Variants in XPO4 observed in about 807,000 individuals in gnomAD.
The protein encoded by XPO4 is exportin 4.
In XPO4, 39 loss-of-function variants were observed where a neutral mutation model predicts 143.0. The ratio of observed to expected loss-of-function variants is 0.27; its 90% CI spans 0.21 to 0.36. The LOEUF is 0.36. Ranked by LOEUF, XPO4 falls within the 10% of genes least tolerant of loss-of-function variation. The probability of loss-of-function intolerance (pLI) is 1.00; values close to 1 mark genes in which losing one functional copy is unlikely to be tolerated. For missense variants in XPO4, 907 were observed against 1,348.0 expected (o/e 0.67, Z 5.12); for synonymous variants, 439 against 474.0 (o/e 0.93, Z 0.96).
In XPO4 at chr13:20,861,776, TC is replaced by T. The variant is rs1230525833; in HGVS notation, c.317+940del. On this transcript the variant is annotated intron_variant, in intron 3 of 22. Coordinates refer to ENST00000255305, the MANE Select transcript of XPO4 (RefSeq NM_022459.5). ...CTTAATAGAACCTTGCACATTTCTC[TC>T]TTTTTTTTTTTTTTTTTTTTTTTTT... is the stretch of plus-strand genomic sequence containing the variant. 1.7e-3 allele frequency among the ~76,000 whole-genome samples: 212 copies of T among 126,882 alleles called. 2 individuals are homozygous for T. The highest frequency in any genetic ancestry group is 6.1e-3 in the African/African-American group (206 of 33,772). The allele number at this position is 126,882 out of a possible 152,430, so 83.2% of individuals were successfully genotyped here. A position where few individuals can be genotyped will look rare whatever the true frequency, so the allele number is the denominator to read the frequency against.
intron 22 of XPO4, among the ~76,000 whole-genome samples, chr13:20,784,558 T>C (rs1232041766): frequency 1.3e-5 from 2 of 152,160 alleles, no homozygotes; most frequent in African/African-American, 4.8e-5. Flanking sequence ...ATTTTCTGTT[T>C]TTAATACTCT....
intron 6 of XPO4, among the ~76,000 whole-genome samples, chr13:20,836,761 G>T (rs1156593798): frequency 1.3e-5 from 2 of 152,208 alleles, no homozygotes; most frequent in Admixed American, 1.3e-4. Flanking sequence ...CCACGACCAT[G>T]ATCTAATCTG....
intron 3 of XPO4, chr13:20,859,799 GAACA>G (rs1306859698): frequency 1.2e-6 from 1 of 842,416 alleles, no homozygotes; most frequent in African/African-American, 1.9e-5. Context: ...AAAAAAAAAA[GAACA>G]AATAAAAAGG....
chr13:20,827,337 T>C lies in XPO4; in HGVS notation c.728-158A>G, dbSNP rs140304973. Among the ~76,000 whole-genome samples the C allele has an allele frequency of 3.3e-3, 506 of 152,282 alleles. 4 individuals carry two copies. Among genetic ancestry groups the C allele is most frequent in the African/African-American group, 0.012 (486 of 41,530 alleles). On this transcript the variant is annotated intron_variant, in intron 6 of 22. Transcript: ENST00000255305. ...ATAATTCATCCATGAAGCTAAGGAA[T>C]AGAAGGCATTAAGTGCCTGGGGAAA...
chr13:20,819,776 C>T (rs1313767064), intron 9 of XPO4, among the ~76,000 whole-genome samples: 1 of 152,158 alleles, frequency 6.6e-6, no homozygotes, highest in African/African-American at 2.4e-5. Context: ...GGTTTCTGTC[C>T]CAGAGGTCCA....
chr13:20,783,875 T>C lies in XPO4; in HGVS notation c.3303A>G (p.Gln1101=). 6.2e-7 allele frequency: 1 copy of C among 1,614,232 alleles called. No homozygotes were observed. The highest frequency in any genetic ancestry group is 1.1e-5 in the South Asian group (1 of 91,082). Residue 1101 remains glutamine, a synonymous_variant, in exon 23 of 23, where the codon CAA becomes CAG. Coordinates refer to ENST00000255305, the MANE Select transcript of XPO4 (RefSeq NM_022459.5). ...CTAATCTCTGGTAAATAACTGGGTC[T>C]TGCTGACTTGATAGTAATGTTTCGA... The part of the protein sequence containing the change: ...ELVETLLSSQ[Q]DPVIYQRLAD...
chr13:20,829,951 A>G (rs1389555852), intron 6 of XPO4, among the ~76,000 whole-genome samples: 1 of 152,214 alleles, frequency 6.6e-6, no homozygotes, highest in Non-Finnish European at 1.5e-5. Flanking sequence ...TACTCTATTA[A>G]TACTTCTGGA....
intron 18 of XPO4, among the ~76,000 whole-genome samples, chr13:20,791,464 C>T (rs74036445): frequency 0.021 from 3,150 of 152,158 alleles, 82 homozygotes; most frequent in Middle Eastern, 0.075. Flanking sequence ...GTAAACATTC[C>T]AGATGTCCAA....
chr13:20,866,241 CCA>C (rs142362595), intron 2 of XPO4: 125 of 933,636 alleles, frequency 1.3e-4, no homozygotes, highest in South Asian at 1.5e-4. Flanking sequence ...CACAGATACA[CCA>C]CACACACACA....
At chr13:20,870,428 T>C (rs1437844865) in intron 1 of XPO4, among the ~76,000 whole-genome samples, 1 of 132,622 alleles carries the variant, frequency 7.5e-6, no homozygotes, top group Non-Finnish European at 1.7e-5. Context: ...CCAGACTCCA[T>C]CTCAATTAAA....
At position 20,783,859 on chromosome 13, in the gene XPO4, G is replaced by A; in HGVS notation, c.3319C>T (p.Gln1107Ter). The part of the protein sequence containing the change: ...LSSQQDPVIY[Q>*]RLADAFNKLT... ...TTGTTGAAGGCATCTGCTAATCTCT[G>A]GTAAATAACTGGGTCTTGCTGACTT... The change falls in exon 23 of 23, where the codon CAG (glutamine) becomes TAG (stop). Residue 1107 changes from glutamine (Q) to a stop codon, truncating the protein, a stop_gained. Transcript: ENST00000255305. LOFTEE classifies it high-confidence loss of function. 1 of 1,614,158 alleles carries A rather than the reference G, an allele frequency of 6.2e-7. No homozygotes were observed. Among genetic ancestry groups the A allele is most frequent in the Non-Finnish European group, 8.5e-7 (1 of 1,180,014 alleles).
chr13:20,785,669 GAAAAAAAAA>G (rs758292471), intron 22 of XPO4, among the ~76,000 whole-genome samples: 1 of 127,680 alleles, frequency 7.8e-6, no homozygotes, highest in Non-Finnish European at 1.7e-5. Flanking sequence ...CCCTGTCTCA[GAAAAAAAAA>G]AAAAGCGAGA....
chr13:20,834,959 C>G (rs930121335), intron 6 of XPO4, among the ~76,000 whole-genome samples: 6 of 152,152 alleles, frequency 3.9e-5, no homozygotes, highest in African/African-American at 1.4e-4. Flanking sequence ...GACCCTATCT[C>G]TATAAATAAT....
At chr13:20,808,204 C>T (rs540450017) in intron 12 of XPO4, among the ~76,000 whole-genome samples, 13 of 152,266 alleles carry the variant, frequency 8.5e-5, no homozygotes, top group African/African-American at 3.1e-4. Context: ...CCTAGCAATA[C>T]TAATTCAGCG....
Position 20,783,581 on chromosome 13 carries a change from T to G in XPO4, c.*141A>C. On this transcript the variant is annotated 3_prime_UTR_variant, in exon 23 of 23. Coordinates refer to ENST00000255305, the MANE Select transcript of XPO4 (RefSeq NM_022459.5). Reference sequence around the variant, plus strand: ...AGTTGACCTCTCCTGTTTCACTGTATTACATACATATCAAAGTTTCAGGCT... The same window carrying G: ...AGTTGACCTCTCCTGTTTCACTGTAGTACATACATATCAAAGTTTCAGGCT... The G allele has an allele frequency of 1.3e-6, 1 of 799,708 alleles. No homozygotes were observed. Among genetic ancestry groups the G allele is most frequent in the East Asian group, 2.5e-5 (1 of 39,632 alleles). 49.5% of individuals were successfully genotyped at this position (799,708 alleles called of 1,614,324 possible).
intron 2 of XPO4, chr13:20,863,080 C>G (rs1167032430): frequency 4.8e-6 from 6 of 1,248,816 alleles, no homozygotes; most frequent in Non-Finnish European, 6.0e-6. Context: ...TTTTCACAAA[C>G]TTTCCTCACC....
intron 17 of XPO4, 129 bp downstream of exon 17, chr13:20,796,635 T>C (rs866454245): frequency 9.7e-6 from 8 of 829,004 alleles, no homozygotes; most frequent in Non-Finnish European, 1.1e-5. Flanking sequence ...AAATCTTTTT[T>C]AAAAATCTTT....
At chr13:20,823,242 T>C (rs1484177291) in intron 7 of XPO4, among the ~76,000 whole-genome samples, 3 of 152,218 alleles carry the variant, frequency 2.0e-5, no homozygotes, top group Non-Finnish European at 4.4e-5. Context: ...ATCAAACTCA[T>C]AGTTTTAGGC....
In XPO4 at chr13:20,822,144, T is replaced by G; in HGVS notation, c.986A>C (p.Asn329Thr). The G allele has an allele frequency of 1.2e-6, 2 of 1,612,620 alleles. No homozygotes were observed. The highest frequency in any genetic ancestry group is 1.7e-6 in the Non-Finnish European group (2 of 1,179,284). The change falls in exon 8 of 23, where the codon AAT becomes ACT. Residue 329 changes from asparagine (N) to threonine (T), a missense_variant. Transcript: ENST00000255305. ...YLAHFIEGLL[N>T]TINGIEIEDS... The stretch of plus-strand genomic sequence containing the variant: ...CAAGTATACCTACCCATTGATAGTA[T>G]TCAGTAATCCCTCAATGAAGTGTGC...
Sources: allele counts gnomAD v4.1 joint callset (sites outside exome capture counted in the v4.1 genomes callset), GRCh38; gene constraint gnomAD v4.1.1; transcripts MANE v1.5; gene names NCBI Gene and HGNC (gene_info 2026-07-23, HGNC 2026-07-21).